ALK: variants seen among roughly 807,000 people sequenced by gnomAD.
The protein encoded by ALK is ALK receptor tyrosine kinase.
Under a neutral mutation model 163.1 loss-of-function variants are expected in ALK, and 74 were observed. That is an observed-to-expected ratio of 0.45 (90% CI 0.38 to 0.55). The LOEUF is 0.55. Among genes scored for constraint, ALK ranks in the 20% least tolerant of loss-of-function variants. ALK has a pLI of 0.00. For synonymous variants in ALK, 960 were observed against 843.2 expected (o/e 1.14, Z -2.40); for missense variants, 2,063 against 2,105.3 (o/e 0.98, Z 0.39).
intron 1 of ALK, among the ~76,000 whole-genome samples, chr2:29,888,264 A>ATTTTTT (rs1401782243): frequency 0.29 from 40,294 of 141,348 alleles, 5,885 homozygotes; most frequent in Non-Finnish European, 0.34. Context: ...TTTTTTTTAA[A>ATTTTTT]AAAAGGGAAA....
intron 5 of ALK, among the ~76,000 whole-genome samples, chr2:29,333,861 C>T (rs1009535186): frequency 1.7e-4 from 26 of 152,218 alleles, no homozygotes; most frequent in Non-Finnish European, 3.2e-4. Context: ...ATCCTCCTGC[C>T]TCAGCCTCCT....
At chr2:29,316,054 G>A (rs1364253431) in intron 8 of ALK, among the ~76,000 whole-genome samples, 1 of 152,200 alleles carries the variant, frequency 6.6e-6, no homozygotes, top group African/African-American at 2.4e-5. Context: ...GTCCCCCAGA[G>A]AAATGCAATA....
chr2:29,552,618 A>G (rs1422834722), intron 3 of ALK, among the ~76,000 whole-genome samples: 2 of 152,168 alleles, frequency 1.3e-5, no homozygotes, highest in African/African-American at 4.8e-5. Context: ...TGTTGAGCAT[A>G]TTTTTATGTG....
intron 9 of ALK, among the ~76,000 whole-genome samples, chr2:29,277,935 C>T (rs972290554): frequency 6.6e-6 from 1 of 152,138 alleles, no homozygotes; most frequent in Non-Finnish European, 1.5e-5. Context: ...TCGACATGAA[C>T]GCTGCATTCA....
At chr2:29,216,309 T>C (rs1386676168) in intron 23 of ALK, among the ~76,000 whole-genome samples, 1 of 152,122 alleles carries the variant, frequency 6.6e-6, no homozygotes, top group East Asian at 1.9e-4. Flanking sequence ...AGGAGCATGC[T>C]CTCTGTCCCT....
intron 26 of ALK, among the ~76,000 whole-genome samples, chr2:29,202,705 G>C (rs535022807): frequency 6.6e-6 from 1 of 152,294 alleles, no homozygotes; most frequent in South Asian, 2.1e-4. Flanking sequence ...TATCTATGTT[G>C]ATATATGTAG....
intron 8 of ALK, among the ~76,000 whole-genome samples, chr2:29,305,007 A>G (rs1666464962): frequency 6.6e-6 from 1 of 152,204 alleles, no homozygotes; most frequent in African/African-American, 2.4e-5. Context: ...GGTCCTGGGC[A>G]TCGGCAGATT....
intron 2 of ALK, among the ~76,000 whole-genome samples, chr2:29,714,937 G>A (rs908630625): frequency 6.6e-6 from 1 of 152,138 alleles, no homozygotes; most frequent in African/African-American, 2.4e-5. Flanking sequence ...TCTGCAGTGG[G>A]TCTTGGGGCA....
chr2:29,708,309 TC>T (rs1274392120), intron 2 of ALK, among the ~76,000 whole-genome samples: 1 of 152,146 alleles, frequency 6.6e-6, no homozygotes, highest in Non-Finnish European at 1.5e-5. Flanking sequence ...TCTCAGGTAA[TC>T]CACCCACCCT....
intron 3 of ALK, among the ~76,000 whole-genome samples, chr2:29,578,626 A>G (rs1573471427): frequency 6.6e-6 from 1 of 152,158 alleles, no homozygotes; most frequent in South Asian, 2.1e-4. Context: ...TTCAACTAGA[A>G]CCACCATACC....
intron 3 of ALK, among the ~76,000 whole-genome samples, chr2:29,691,485 A>T (rs1328816145): frequency 2.0e-5 from 3 of 152,314 alleles, no homozygotes; most frequent in Middle Eastern, 3.4e-3. Context: ...GCTAACAGTG[A>T]TGACTTTTCA....
In ALK at chr2:29,646,698, C is replaced by T. The variant is rs566143531; in HGVS notation, c.952+48152G>A. Among the ~76,000 whole-genome samples the T allele has an allele frequency of 5.9e-5, 9 of 152,222 alleles. No individual in the cohort carries two copies. In the South Asian group the frequency reaches 1.5e-3, roughly 25 times the overall value. On this transcript the variant is annotated intron_variant, in intron 3 of 28. Coordinates refer to ENST00000389048, the MANE Select transcript of ALK (RefSeq NM_004304.5). ...GTGGTCATTACTCCCTCTGCCTGGT[C>T]GGCCCTCGCAAGATGGCTGTGTGGC...
intron 1 of ALK, among the ~76,000 whole-genome samples, chr2:29,875,248 T>C (rs1304737189): frequency 6.6e-6 from 1 of 152,168 alleles, no homozygotes; most frequent in African/African-American, 2.4e-5. Context: ...TAGAGGTTAC[T>C]AGGGTGGGGG....
chr2:29,445,435 T>C (rs965906201), intron 4 of ALK, among the ~76,000 whole-genome samples: 1 of 152,198 alleles, frequency 6.6e-6, no homozygotes, highest in African/African-American at 2.4e-5. Flanking sequence ...ACAGGCTGGG[T>C]AACGCTCTTC....
At chr2:29,885,198 T>G (rs1666956485) in intron 1 of ALK, among the ~76,000 whole-genome samples, 1 of 152,188 alleles carries the variant, frequency 6.6e-6, no homozygotes, top group Non-Finnish European at 1.5e-5. Flanking sequence ...TAATGCCCCT[T>G]GTTGCCCAGA....
chr2:29,769,319 C>G lies in ALK; in HGVS notation c.668-51622G>C, dbSNP rs1680951551. On this transcript the variant is annotated intron_variant, in intron 1 of 28. Transcript: ENST00000389048. ...CCCATCAGTCTGTAGAATGACGTGT[C>G]TCTTCATTTCTAGGCTGACTTTCAC... 2.6e-5 allele frequency among the ~76,000 whole-genome samples: 4 copies of G among 152,148 alleles called. No individual in the cohort carries two copies. In the South Asian group the frequency reaches 8.3e-4, roughly 32 times the overall value.
intron 5 of ALK, among the ~76,000 whole-genome samples, chr2:29,357,636 C>T (rs1668284253): frequency 6.6e-6 from 1 of 152,296 alleles, no homozygotes; most frequent in South Asian, 2.1e-4. Context: ...GGCCCCATCT[C>T]CCCCACCTGT....
At chr2:29,523,314 T>A (rs952831063) in intron 4 of ALK, among the ~76,000 whole-genome samples, 3 of 152,098 alleles carry the variant, frequency 2.0e-5, no homozygotes, top group African/African-American at 7.2e-5. Context: ...CCACAAGCAT[T>A]CCCATAGCAC....
chr2:29,678,967 T>G (rs1203258467), intron 3 of ALK, among the ~76,000 whole-genome samples: 1 of 151,908 alleles, frequency 6.6e-6, no homozygotes, highest in Non-Finnish European at 1.5e-5. Context: ...TTGGGAGTTA[T>G]TGAAATCTCC....
Sources: allele counts gnomAD v4.1 joint callset (sites outside exome capture counted in the v4.1 genomes callset), GRCh38; gene constraint gnomAD v4.1.1; transcripts MANE v1.5; gene names NCBI Gene and HGNC (gene_info 2026-07-23, HGNC 2026-07-21).